Variants in MUC4 observed in about 807,000 individuals in gnomAD.
MUC4 encodes the protein mucin 4, cell surface associated.
MUC4 carries 202 observed loss-of-function variants against 257.9 expected under a neutral mutation model. The ratio of observed to expected loss-of-function variants is 0.78; its 90% CI spans 0.70 to 0.88. MUC4 has a LOEUF of 0.88. MUC4 is among the 40% of genes least tolerant of loss of function. The pLI is 0.00. For synonymous variants in MUC4, 2,351 were observed against 2,757.1 expected (o/e 0.85, Z 4.62); for missense variants, 5,976 against 6,513.7 (o/e 0.92, Z 2.84).
Position 195,789,829 on chromosome 3 carries a change from T to C in MUC4, c.1751A>G (p.Tyr584Cys). ...TGEALLSSPS[Y>C]SVTQMIKTAT... ...CGTTTTTATCATCTGAGTCACACTG[T>C]AGCTTGGGCTGCTGAGAAGAGCCTC... Residue 584 changes from tyrosine (Y) to cysteine (C), a missense_variant, in exon 2 of 25, where the codon TAC becomes TGC. Around this residue, in one of 44 missense-constraint regions of MUC4, gnomAD observed 1,583 missense variants for 1,257.4 expected, o/e 1.26. Coordinates refer to ENST00000463781, the MANE Select transcript of MUC4 (RefSeq NM_018406.7). The C allele has an allele frequency of 6.2e-7, 1 of 1,614,028 alleles. No homozygotes were observed. The highest frequency in any genetic ancestry group is 8.5e-7 in the Non-Finnish European group (1 of 1,179,868).
At position 195,786,838 on chromosome 3, in the gene MUC4, T is replaced by A. The variant is rs1732307671; in HGVS notation, c.4742A>T (p.His1581Leu). 6.5e-7 allele frequency: 1 copy of A among 1,528,066 alleles called. No individual in the cohort carries two copies. Among genetic ancestry groups the A allele is most frequent in the East Asian group, 2.5e-5 (1 of 40,298 alleles). The allele number at this position is 1,528,066 out of a possible 1,614,324, so 94.7% of individuals were successfully genotyped here. A position where few individuals can be genotyped will look rare whatever the true frequency, so the allele number is the denominator to read the frequency against. The change falls in exon 2 of 25, where the codon CAC becomes CTC. Residue 1581 changes from histidine to leucine, a missense_variant. Physicochemically the swap from His to Leu is moderately conservative, Grantham distance 99. Transcript: ENST00000463781. The stretch of plus-strand genomic sequence containing the variant: ...GTCGGTGACAGGAAGAGGGGTGGTG[T>A]GACCTGTAGATGCTGAGGAAGGGCT... ...VTSPSSASTG[H>L]TTPLPVTDTS...
chr3:195,772,305 G>A (rs753096771), intron 4 of MUC4, among the ~76,000 whole-genome samples: 2 of 148,318 alleles, frequency 1.3e-5, no homozygotes, highest in South Asian at 2.2e-4. Flanking sequence ...CACTTAGGGG[G>A]TGGAACCCTC....
intron 5 of MUC4, among the ~76,000 whole-genome samples, chr3:195,771,173 G>A (rs1359122437): frequency 7.5e-6 from 1 of 133,738 alleles, no homozygotes; most frequent in Non-Finnish European, 1.6e-5. Context: ...GGTCAGTCTC[G>A]TGGTTGGGTT....
chr3:195,751,501 C>G (rs564092566), intron 21 of MUC4: 7 of 590,684 alleles, frequency 1.2e-5, no homozygotes, highest in Non-Finnish European at 2.1e-5. Flanking sequence ...TCCATTCTGT[C>G]CCCCCCTCAG....
chr3:195,804,798 C>T (rs1735771859), intron 1 of MUC4, among the ~76,000 whole-genome samples: 1 of 152,264 alleles, frequency 6.6e-6, no homozygotes, highest in Non-Finnish European at 1.5e-5. Flanking sequence ...TGGCAGGGAG[C>T]TAATGCTATT....
chr3:195,789,901 C>A lies in MUC4; in HGVS notation c.1679G>T (p.Gly560Val). 1 of 1,613,926 alleles carries A rather than the reference C, an allele frequency of 6.2e-7. No individual in the cohort carries two copies. Among genetic ancestry groups the A allele is most frequent in the Non-Finnish European group, 8.5e-7 (1 of 1,179,864 alleles). The change falls in exon 2 of 25, where the codon GGG (glycine) becomes GTG (valine). Residue 560 changes from glycine (G) to valine (V), a missense_variant. Gly to Val is a moderately radical substitution (Grantham distance 109, BLOSUM62 -3). Transcript: ENST00000463781. The part of the protein sequence containing the change: ...SHSTTLPKTT[G>V]AGAQTQWTQE... ...TGTCCATTGTGTCTGGGCGCCTGCC[C>A]CTGTTGTTTTTGGGAGAGTTGTGCT...
chr3:195,769,389 C>G (rs1171797421), intron 6 of MUC4: 2 of 527,892 alleles, frequency 3.8e-6, no homozygotes, highest in East Asian at 6.0e-5. Flanking sequence ...GACTTTCTTC[C>G]AGGAGGGGAG....
intron 1 of MUC4, among the ~76,000 whole-genome samples, chr3:195,793,971 G>A (rs770036417): frequency 2.0e-5 from 3 of 151,788 alleles, no homozygotes; most frequent in Non-Finnish European, 4.4e-5. Flanking sequence ...GGCCAGGCAT[G>A]GTGGCTCATG....
Position 195,786,492 on chromosome 3 carries a change from A to T in MUC4, c.5088T>A (p.Arg1696=), listed in dbSNP as rs1373304779. 14 of 1,524,552 alleles carry T rather than the reference A, an allele frequency of 9.2e-6. No homozygotes were observed. Among genetic ancestry groups the T allele is most frequent in the Non-Finnish European group, 1.1e-5 (13 of 1,131,812 alleles). The allele number at this position is 1,524,552 out of a possible 1,614,324, so 94.4% of individuals were successfully genotyped here. The change falls in exon 2 of 25, where the codon CGT becomes CGA. Residue 1696 remains arginine, a synonymous_variant. Transcript: ENST00000463781. The stretch of plus-strand genomic sequence containing the variant: ...CCGAGGAAACGTCGGTGACAGGAAG[A>T]CGGGTGGTGTCATCTGTGGTAGCTG... ...LSSATTDDTT[R]LPVTDVSSAS...
rs763241252 is a variant in MUC4 at position 195,774,275 on chromosome 3, G to A, written c.12974C>T (p.Ala4325Val). ...GVSLFPYGAG[A>V]GDLEFVRRTV... ...CCTCCTGACGAACTCCAGGTCCCCG[G>A]CGCCTGCCCCATAGGGGAAGAGGGA... The change falls in exon 4 of 25, where the codon GCC (alanine) becomes GTC (valine). Residue 4325 changes from alanine (A) to valine (V), a missense_variant. Coordinates refer to ENST00000463781, the MANE Select transcript of MUC4 (RefSeq NM_018406.7). The A allele has an allele frequency of 5.7e-6, 9 of 1,590,158 alleles. No homozygotes were observed. The highest frequency in any genetic ancestry group is 6.0e-6 in the Non-Finnish European group (7 of 1,169,776).
chr3:195,759,520 A>G (rs1255648759), intron 16 of MUC4, among the ~76,000 whole-genome samples: 1 of 152,100 alleles, frequency 6.6e-6, no homozygotes, highest in African/African-American at 2.4e-5. Flanking sequence ...TTTCCTGAAC[A>G]CAGTGCTATG....
At chr3:195,775,243 C>T (rs1027376090) in intron 3 of MUC4, among the ~76,000 whole-genome samples, 1 of 152,064 alleles carries the variant, frequency 6.6e-6, no homozygotes, top group Non-Finnish European at 1.5e-5. Context: ...CTCCCTGGCT[C>T]CCGTTGCCTA....
rs995025692 is a variant in MUC4, at chr3:195,802,047, T to G, written c.82+9689A>C. ...TCTACTCTCACGCCTTACAAATCTG[T>G]ACTTCTCCCTGACTTCCCACCCATA... On this transcript the variant is annotated intron_variant, in intron 1 of 24. Coordinates refer to ENST00000463781, the MANE Select transcript of MUC4 (RefSeq NM_018406.7). Among the ~76,000 whole-genome samples, 8 of 152,292 alleles carry G rather than the reference T, an allele frequency of 5.3e-5. No homozygotes were observed. The East Asian group carries it at 1.5e-3, about 29-fold the overall frequency.
chr3:195,752,584 C>T, intron 20 of MUC4, 138 bp from the exon 21 acceptor site: 1 of 695,338 alleles, frequency 1.4e-6, no homozygotes, highest in Non-Finnish European at 2.6e-6. Context: ...AAGTGGCCCT[C>T]ACCCTACATT....
chr3:195,789,331 C>A lies in MUC4; in HGVS notation c.2249G>T (p.Gly750Val). Residue 750 changes from glycine to valine, a missense_variant, in exon 2 of 25, where the codon GGC becomes GTC. This residue lies in a region of MUC4 where 1,583 missense variants were observed against 1,257.4 expected (regional missense o/e 1.26). Transcript: ENST00000463781. ...GGCTGATGTCCATTGTCCTTCTGGG[C>A]CCCCTGGTGTTGACACTACAGAGTT... ...LANSVVSTPGGPEGQWTSASA... is the reference protein window; with the variant it reads ...LANSVVSTPGVPEGQWTSASA... The A allele has an allele frequency of 6.2e-7, 1 of 1,613,864 alleles. No individual in the cohort carries two copies. The highest frequency in any genetic ancestry group is 8.5e-7 in the Non-Finnish European group (1 of 1,179,872).
At chr3:195,748,082 G>A (rs1243360323) in intron 24 of MUC4, among the ~76,000 whole-genome samples, 1 of 151,706 alleles carries the variant, frequency 6.6e-6, no homozygotes, top group Non-Finnish European at 1.5e-5. Flanking sequence ...CGGAGGGCCC[G>A]GAGCCCAGGT....
At chr3:195,761,946 G>T in intron 14 of MUC4, 141 bp downstream of exon 14, 3 of 1,064,322 alleles carry the variant, frequency 2.8e-6, no homozygotes, top group South Asian at 1.6e-5. Flanking sequence ...CTCGGCTCCC[G>T]GCCCGCTCTG....
chr3:195,782,716 G>T lies in MUC4; in HGVS notation c.8864C>A (p.Thr2955Lys), dbSNP rs1361287118. 1 of 1,523,192 alleles carries T rather than the reference G, an allele frequency of 6.6e-7. No homozygotes were observed. Among genetic ancestry groups the T allele is most frequent in the Non-Finnish European group, 8.8e-7 (1 of 1,130,100 alleles). The allele number at this position is 1,523,192 out of a possible 1,614,324, so 94.4% of individuals were successfully genotyped here. ...GACAGGAAGAGAGGTGGCGTGACCT[G>T]TGGATGCTGAGGAAGTGTCGGTGAC... ...LPVTDTSSAS[T>K]GHATSLPVTD... Residue 2955 changes from threonine (T) to lysine (K), a missense_variant, in exon 2 of 25, where the codon ACA becomes AAA. Physicochemically the swap from Thr to Lys is moderately conservative, Grantham distance 78 (BLOSUM62 -1). Coordinates refer to ENST00000463781, the MANE Select transcript of MUC4 (RefSeq NM_018406.7).
intron 1 of MUC4, among the ~76,000 whole-genome samples, chr3:195,800,307 GCT>G (rs1293127846): frequency 6.0e-4 from 92 of 152,214 alleles, no homozygotes; most frequent in African/African-American, 2.2e-3. Flanking sequence ...GCTAAACAGG[GCT>G]GTGTCCTGGT....
Sources: allele counts gnomAD v4.1 joint callset (sites outside exome capture counted in the v4.1 genomes callset), GRCh38; gene constraint gnomAD v4.1.1; regional missense constraint gnomAD v4.1.1; transcripts MANE v1.5; gene names NCBI Gene and HGNC (gene_info 2026-07-23, HGNC 2026-07-21).